The following MAP3K15 variants were observed in gnomAD, a reference collection of about 807,000 sequenced individuals.
The protein encoded by MAP3K15 is mitogen-activated protein kinase kinase kinase 15, also known as MAPK/ERK kinase kinase 15.
A neutral mutation model predicts 99.5 loss-of-function variants in MAP3K15; 124 were observed. The observed-to-expected ratio is 1.25, with a 90% CI of 1.08 to 1.45. The LOEUF is 1.45. Ranked by LOEUF, MAP3K15 falls within the 40% of genes most tolerant of loss-of-function variation. The pLI is 0.00. For missense variants in MAP3K15, 1,242 were observed against 1,079.7 expected (o/e 1.15, Z -2.11); for synonymous variants, 494 against 439.6 (o/e 1.12, Z -1.55).
intron 6 of MAP3K15, among the ~76,000 whole-genome samples, chrX:19,434,084 T>C (rs1290775782): frequency 2.7e-5 from 3 of 112,443 alleles, no homozygotes; most frequent in Non-Finnish European, 5.6e-5. Context: ...TTAATGTACA[T>C]AGACAAAAGT....
intron 19 of MAP3K15, 79 bp from the exon 20 acceptor site, chrX:19,374,739 CCTG>C: frequency 5.6e-6 from 5 of 899,711 alleles, no homozygotes; most frequent in Admixed American, 5.2e-5. Context: ...GTCCAAAGCT[CCTG>C]TACACCTGAC....
intron 3 of MAP3K15, among the ~76,000 whole-genome samples, chrX:19,480,096 A>G (rs771658458): frequency 8.9e-6 from 1 of 112,488 alleles, no homozygotes; most frequent in Admixed American, 9.4e-5. Context: ...AGACCTGTAC[A>G]TGGAAAACTA....
At chrX:19,419,162 T>C in intron 9 of MAP3K15, among the ~76,000 whole-genome samples, 1 of 112,017 alleles carries the variant, frequency 8.9e-6, no homozygotes, top group Non-Finnish European at 1.9e-5. Context: ...AACATCATAA[T>C]GACAGAATCA....
At chrX:19,417,664 T>C (rs1466517087) in intron 9 of MAP3K15, among the ~76,000 whole-genome samples, 2 of 111,710 alleles carry the variant, frequency 1.8e-5, no homozygotes, top group African/African-American at 6.5e-5. Context: ...CAGACTTAAA[T>C]GTCCCGGTCT....
chrX:19,368,359 T>A (rs1035908116), intron 25 of MAP3K15, among the ~76,000 whole-genome samples: 1 of 112,464 alleles, frequency 8.9e-6, no homozygotes, highest in African/African-American at 3.2e-5. Flanking sequence ...CCAGGCTGTC[T>A]CAAACTCTTG....
intron 11 of MAP3K15, 40 bp downstream of exon 11, chrX:19,413,317 T>C: frequency 9.3e-7 from 1 of 1,076,343 alleles, no homozygotes; most frequent in African/African-American, 1.8e-5. Context: ...ACTCTCCTAT[T>C]TGAAAACTGA....
At chrX:19,475,314 G>A (rs1484912421) in intron 3 of MAP3K15, among the ~76,000 whole-genome samples, 3 of 111,044 alleles carry the variant, frequency 2.7e-5, no homozygotes, top group East Asian at 2.8e-4. Context: ...AGGAGGCAGC[G>A]TTCGGGCGGT....
rs541985788 is a variant in MAP3K15 at position 19,435,574 on chromosome X, T to A, written c.996-3966A>T. Among the ~76,000 whole-genome samples, 306 of 112,333 alleles carry A rather than the reference T, an allele frequency of 2.7e-3. 1 individual carries two copies. Among genetic ancestry groups the A allele is most frequent in the Non-Finnish European group, 4.9e-3 (262 of 53,282 alleles). On this transcript the variant is annotated intron_variant, in intron 6 of 28. Coordinates refer to ENST00000338883, the MANE Select transcript of MAP3K15 (RefSeq NM_001001671.4). Reference sequence around the variant, plus strand: ...TACTCAAAACAAAAAGTCTTTTGAGTATAAACAAAACAAAAATCAAACATT... The same window carrying A: ...TACTCAAAACAAAAAGTCTTTTGAGAATAAACAAAACAAAAATCAAACATT...
At chrX:19,439,159 C>T (rs375247334) in intron 6 of MAP3K15, among the ~76,000 whole-genome samples, 49 of 111,076 alleles carry the variant, frequency 4.4e-4, no homozygotes, top group East Asian at 2.8e-3. Context: ...GTCGTGCCAC[C>T]GGCCCTCACT....
At position 19,428,505 on chromosome X, in the gene MAP3K15, T is replaced by G. The variant is rs761530970; in HGVS notation, c.1167-2162A>C. On this transcript the variant is annotated intron_variant, in intron 7 of 28. Transcript: ENST00000338883. ...TTAAAAAAAGAAAATGAGGTCATTA[T>G]GTTCCAAGGACTTACACTATGGTGG... Among the ~76,000 whole-genome samples, 5 of 111,982 alleles carry G rather than the reference T, an allele frequency of 4.5e-5. No individual in the cohort carries two copies. In the South Asian group the frequency reaches 1.9e-3, roughly 42 times the overall value.
At chrX:19,498,449 G>A (rs765731323) in intron 1 of MAP3K15, among the ~76,000 whole-genome samples, 6 of 111,839 alleles carry the variant, frequency 5.4e-5, no homozygotes, top group Non-Finnish European at 7.5e-5. Flanking sequence ...GCCAATAAAC[G>A]AGAAGATAGA....
intron 6 of MAP3K15, among the ~76,000 whole-genome samples, chrX:19,434,965 A>G (rs755284640): frequency 1.8e-5 from 2 of 112,046 alleles, no homozygotes; most frequent in African/African-American, 6.5e-5. Context: ...TTTTTGTCAT[A>G]TAGAATCTAA....
chrX:19,477,624 C>T (rs112538921), intron 3 of MAP3K15, among the ~76,000 whole-genome samples: 1,485 of 91,917 alleles, frequency 0.016, 41 homozygotes, highest in African/African-American at 0.053. Flanking sequence ...GCAGGAGAAT[C>T]GCTTGAACCT....
At chrX:19,383,654 T>C (rs1372389944) in intron 18 of MAP3K15, among the ~76,000 whole-genome samples, 2 of 112,322 alleles carry the variant, frequency 1.8e-5, no homozygotes, top group Non-Finnish European at 3.8e-5. Flanking sequence ...AATAATTAGA[T>C]TTTTAAAAAT....
intron 6 of MAP3K15, among the ~76,000 whole-genome samples, chrX:19,453,435 G>T (rs1445977780): frequency 9.2e-6 from 1 of 108,892 alleles, no homozygotes; most frequent in African/African-American, 3.4e-5. Context: ...GGGAGGCGAA[G>T]GTTGCAGTGA....
intron 18 of MAP3K15, among the ~76,000 whole-genome samples, chrX:19,388,514 A>G (rs1222199914): frequency 8.9e-6 from 1 of 112,423 alleles, no homozygotes; most frequent in African/African-American, 3.2e-5. Context: ...ACTTCTAAGT[A>G]CAAGCGAGTA....
rs746514184 is a variant in MAP3K15 at position 19,493,652 on chromosome X, G to A, written c.362-4685C>T. Among the ~76,000 whole-genome samples the A allele has an allele frequency of 6.3e-5, 7 of 111,835 alleles. No individual in the cohort carries two copies. In the East Asian group the frequency reaches 1.1e-3, roughly 18 times the overall value. ...TTACCTAAAACCTTTCATCATCACC[G>A]TGGTCACATGCTTTGCCATTTACAA... On this transcript the variant is annotated intron_variant, in intron 1 of 28. Transcript: ENST00000338883.
At chrX:19,428,404 T>C (rs2063850113) in intron 7 of MAP3K15, among the ~76,000 whole-genome samples, 1 of 111,756 alleles carries the variant, frequency 8.9e-6, no homozygotes, top group South Asian at 3.8e-4. Flanking sequence ...GTTTTGGCTT[T>C]ACCAAACATT....
At chrX:19,396,366 T>C (rs1226731723) in intron 15 of MAP3K15, among the ~76,000 whole-genome samples, 1 of 112,002 alleles carries the variant, frequency 8.9e-6, no homozygotes, top group Non-Finnish European at 1.9e-5. Context: ...GAACAGCTAT[T>C]GCTACCAAAT....
Sources: gnomAD v4.1 joint callset for allele counts (sites outside exome capture counted in the v4.1 genomes callset) on GRCh38, gnomAD v4.1.1 for gene constraint, MANE v1.5 for transcripts, NCBI Gene and HGNC (gene_info 2026-07-23, HGNC 2026-07-21) for gene names.